Variants in DMXL1 observed in about 807,000 individuals in gnomAD.
DMXL1 encodes the protein Dmx like 1.
DMXL1 carries 99 observed loss-of-function variants against 319.2 expected under a neutral mutation model. The ratio of observed to expected loss-of-function variants is 0.31; its 90% CI spans 0.26 to 0.37. The LOEUF is 0.37. Among genes scored for constraint, DMXL1 ranks in the 10% least tolerant of loss-of-function variants. DMXL1 has a pLI of 1.00. For synonymous variants in DMXL1, 1,385 were observed against 1,235.2 expected (o/e 1.12, Z -2.54); for missense variants, 3,745 against 3,595.6 (o/e 1.04, Z -1.06).
chr5:119,226,681 T>A (rs1414252264), intron 38 of DMXL1, among the ~76,000 whole-genome samples: 1 of 152,136 alleles, frequency 6.6e-6, no homozygotes, highest in East Asian at 1.9e-4. Flanking sequence ...ACAAAACTGC[T>A]CCTTACTTCA....
intron 14 of DMXL1, 149 bp downstream of exon 14, chr5:119,144,079 T>C (rs969293929): frequency 1.7e-5 from 9 of 528,710 alleles, no homozygotes; most frequent in Non-Finnish European, 3.0e-5. Context: ...GATAACATAT[T>C]ATTGTATATT....
chr5:119,242,231 A>G (rs1053736955), intron 42 of DMXL1, among the ~76,000 whole-genome samples: 1 of 152,228 alleles, frequency 6.6e-6, no homozygotes, highest in African/African-American at 2.4e-5. Flanking sequence ...CAATATATCT[A>G]TTGAATAAAC....
chr5:119,166,734 T>G lies in DMXL1; in HGVS notation c.5089T>G (p.Ser1697Ala). 6.2e-7 allele frequency: 1 copy of G among 1,612,620 alleles called. No individual in the cohort carries two copies. Among genetic ancestry groups the G allele is most frequent in the Non-Finnish European group, 8.5e-7 (1 of 1,179,488 alleles). The change falls in exon 22 of 44, where the codon TCT (serine) becomes GCT (alanine). Residue 1697 changes from serine (S) to alanine (A), a missense_variant. This residue lies in a region of DMXL1 where 1,382 missense variants were observed against 1,269.5 expected (regional missense o/e 1.09). Transcript: ENST00000539542. ...SLLGKQRFEH[S>A]AAFFLLAGCL... ...GCTAGGCAAACAAAGATTTGAACATTCTGCAGCATTTTTTCTTTTAGCTGG... is the reference window on the plus strand; with the variant it reads ...GCTAGGCAAACAAAGATTTGAACATGCTGCAGCATTTTTTCTTTTAGCTGG...
At chr5:119,110,763 G>A (rs968740456) in intron 5 of DMXL1, among the ~76,000 whole-genome samples, 4 of 152,148 alleles carry the variant, frequency 2.6e-5, no homozygotes, top group African/African-American at 9.7e-5. Flanking sequence ...ATAGTAAAAT[G>A]AATTCTAATG....
intron 28 of DMXL1, among the ~76,000 whole-genome samples, chr5:119,188,837 GCTT>G (rs1778214633): frequency 2.0e-5 from 3 of 152,178 alleles, no homozygotes; most frequent in Admixed American, 2.0e-4. Flanking sequence ...AAGCTGAGAC[GCTT>G]CAAACAATAA....
chr5:119,209,828 A>T (rs537321852), intron 34 of DMXL1, among the ~76,000 whole-genome samples: 1 of 152,168 alleles, frequency 6.6e-6, no homozygotes, highest in African/African-American at 2.4e-5. Flanking sequence ...TTTATTTTGT[A>T]TTAGGTTGCT....
chr5:119,238,934 T>C, intron 40 of DMXL1, 55 bp from the exon 41 acceptor site: 1 of 1,600,132 alleles, frequency 6.2e-7, no homozygotes, highest in South Asian at 1.1e-5. Context: ...TACATTTACC[T>C]GGTTATGACA....
At chr5:119,158,106 T>G (rs956248911) in intron 19 of DMXL1, among the ~76,000 whole-genome samples, 4 of 151,982 alleles carry the variant, frequency 2.6e-5, no homozygotes, top group African/African-American at 9.7e-5. Context: ...TGCCCAGGCT[T>G]TTCTTAAACT....
chr5:119,168,494 A>G (rs1029510035), intron 23 of DMXL1, among the ~76,000 whole-genome samples: 2 of 152,180 alleles, frequency 1.3e-5, no homozygotes, highest in Non-Finnish European at 2.9e-5. Context: ...GTATTATATT[A>G]TTTGGAATAC....
chr5:119,127,719 A>T (rs537672518), intron 9 of DMXL1: 1 of 225,680 alleles, frequency 4.4e-6, no homozygotes, highest in African/African-American at 2.4e-5. Flanking sequence ...GATTACAGAC[A>T]TGAGCTGCTG....
chr5:119,176,361 T>C (rs1392926676), intron 26 of DMXL1, among the ~76,000 whole-genome samples: 1 of 152,060 alleles, frequency 6.6e-6, no homozygotes, highest in Non-Finnish European at 1.5e-5. Context: ...TGTTTTTGAA[T>C]TTTCTGTGGG....
chr5:119,149,045 A>T lies in DMXL1; in HGVS notation c.3218A>T (p.Asp1073Val). 6.2e-7 allele frequency: 1 copy of T among 1,613,946 alleles called. No individual in the cohort carries two copies. ...QPASNSRSSQ[D>V]FVMHVSIFEC... ...GCATCTAATAGTAGATCTTCCCAGG[A>T]CTTTGTGATGCATGTAAGTATTTTT... The change falls in exon 18 of 44, where the codon GAC becomes GTC. Residue 1073 changes from aspartate (D) to valine (V), a missense_variant. Physicochemically the swap from Asp to Val is radical, Grantham distance 152. Transcript: ENST00000539542.
At chr5:119,172,880 C>G (rs1351670714) in intron 25 of DMXL1, among the ~76,000 whole-genome samples, 1 of 152,104 alleles carries the variant, frequency 6.6e-6, no homozygotes, top group Non-Finnish European at 1.5e-5. Context: ...TTAAATTTCA[C>G]TACTTATTTT....
chr5:119,228,249 T>A (rs2150642945), intron 38 of DMXL1, among the ~76,000 whole-genome samples: 2 of 152,290 alleles, frequency 1.3e-5, no homozygotes, highest in Middle Eastern at 6.8e-3. Flanking sequence ...TTTCTATGAA[T>A]CTCCTTGAAG....
chr5:119,127,896 A>G, intron 9 of DMXL1: 1 of 359,608 alleles, frequency 2.8e-6, no homozygotes, highest in South Asian at 2.5e-5. Context: ...AGTGGGAATG[A>G]TATTCACTTT....
chr5:119,187,209 A>C (rs573272152), intron 28 of DMXL1, among the ~76,000 whole-genome samples: 1 of 152,274 alleles, frequency 6.6e-6, no homozygotes, highest in South Asian at 2.1e-4. Context: ...ATACCTCTTA[A>C]AATTCATAAA....
In DMXL1 at chr5:119,193,857, C is replaced by T. The variant is rs755924448; in HGVS notation, c.7344C>T (p.Ala2448=). The T allele has an allele frequency of 8.1e-6, 13 of 1,612,080 alleles. No homozygotes were observed. Among genetic ancestry groups the T allele is most frequent in the African/African-American group, 2.7e-5 (2 of 74,680 alleles). The change falls in exon 30 of 44, where the codon GCC becomes GCT. Residue 2448 remains alanine, a synonymous_variant. Coordinates refer to ENST00000539542, the MANE Select transcript of DMXL1 (RefSeq NM_001290321.3). ...KPFLPSSQSR[A]EYDSEESLGS... ...TTCTACCCTCTTCTCAAAGTAGAGC[C>T]GAATATGATTCAGAGGAGAGTCTGG...
chr5:119,135,079 C>G (rs576051702), intron 13 of DMXL1, among the ~76,000 whole-genome samples: 2 of 152,294 alleles, frequency 1.3e-5, no homozygotes, highest in South Asian at 4.1e-4. Flanking sequence ...TGTTCCAATC[C>G]TGTTTTTTTC....
rs748099892 is a variant in DMXL1, at chr5:119,129,262, A to G, written c.1154A>G (p.Glu385Gly). 10 of 1,613,536 alleles carry G rather than the reference A, an allele frequency of 6.2e-6. No individual in the cohort carries two copies. The highest frequency in any genetic ancestry group is 1.3e-5 in the African/African-American group (1 of 74,896). The change falls in exon 10 of 44, where the codon GAG becomes GGG. Residue 385 changes from glutamate (E) to glycine (G), a missense_variant. Transcript: ENST00000539542. Reference sequence around the variant, plus strand: ...TCTCTGAGTCTAAATGAAAATGAAGAGAAGACCGGACCTTTTGTTGTACAC... The same window carrying G: ...TCTCTGAGTCTAAATGAAAATGAAGGGAAGACCGGACCTTTTGTTGTACAC... ...ITSLSLNENE[E>G]KTGPFVVHWL...
Sources: gnomAD v4.1 joint callset for allele counts (sites outside exome capture counted in the v4.1 genomes callset) on GRCh38, gnomAD v4.1.1 for gene constraint, gnomAD v4.1.1 regional missense constraint, MANE v1.5 for transcripts, NCBI Gene and HGNC (gene_info 2026-07-23, HGNC 2026-07-21) for gene names.